The following DENND4C variants were observed in gnomAD, a reference collection of about 807,000 sequenced individuals.
DENND4C encodes the protein DENN domain-containing protein 4C.
DENND4C carries 108 observed loss-of-function variants against 203.0 expected under a neutral mutation model. The ratio of observed to expected loss-of-function variants is 0.53; its 90% CI spans 0.46 to 0.62. The LOEUF (loss-of-function observed/expected upper bound fraction) is 0.62. Ranked by LOEUF, DENND4C falls within the 20% of genes least tolerant of loss-of-function variation. The probability of loss-of-function intolerance (pLI) is 0.00; values close to 1 mark genes in which losing one functional copy is unlikely to be tolerated. For synonymous variants in DENND4C, 871 were observed against 792.4 expected (o/e 1.10, Z -1.67); for missense variants, 2,481 against 2,301.2 (o/e 1.08, Z -1.60).
chr9:19,277,180 G>A (rs1260592759), intron 2 of DENND4C, among the ~76,000 whole-genome samples: 1 of 152,022 alleles, frequency 6.6e-6, no homozygotes, highest in Non-Finnish European at 1.5e-5. Context: ...AGATATTTGG[G>A]AACATCCTGG....
intron 1 of DENND4C, among the ~76,000 whole-genome samples, chr9:19,247,196 C>CT (rs1234823444): frequency 6.6e-6 from 1 of 152,166 alleles, no homozygotes; most frequent in African/African-American, 2.4e-5. Context: ...TATTTTCTAG[C>CT]TTCTCTTTCC....
chr9:19,365,383 A>C (rs1408520418), intron 30 of DENND4C, among the ~76,000 whole-genome samples: 1 of 152,190 alleles, frequency 6.6e-6, no homozygotes, highest in Non-Finnish European at 1.5e-5. Flanking sequence ...AGCTGGGAAT[A>C]GAGAAGATCT....
chr9:19,252,704 C>T (rs997020098), intron 1 of DENND4C, among the ~76,000 whole-genome samples: 3 of 126,482 alleles, frequency 2.4e-5, no homozygotes, highest in Non-Finnish European at 3.2e-5. Flanking sequence ...ACCAAATCAG[C>T]GTGTGTATAC....
intron 9 of DENND4C, among the ~76,000 whole-genome samples, chr9:19,301,922 C>G (rs1203776718): frequency 6.6e-6 from 1 of 152,088 alleles, no homozygotes; most frequent in Non-Finnish European, 1.5e-5. Flanking sequence ...GGTGACACAG[C>G]AAGACTCCGT....
At chr9:19,303,037 A>G (rs1355855166) in intron 9 of DENND4C, among the ~76,000 whole-genome samples, 3 of 149,192 alleles carry the variant, frequency 2.0e-5, no homozygotes, top group Non-Finnish European at 3.0e-5. Flanking sequence ...TTTCTGACAT[A>G]TAGGTTGAAT....
intron 30 of DENND4C, 101 bp from the exon 31 acceptor site, chr9:19,369,736 C>T (rs915172311): frequency 4.1e-6 from 3 of 725,986 alleles, no homozygotes; most frequent in South Asian, 7.0e-5. Context: ...CACTGCACTC[C>T]AGCCTGGGTA....
At chr9:19,357,713 C>A in intron 27 of DENND4C, 1 of 344,024 alleles carries the variant, frequency 2.9e-6, no homozygotes, top group African/African-American at 2.1e-5. Flanking sequence ...GGTACTTTGT[C>A]TTTTTAAAAT....
chr9:19,349,594 C>A (rs59072237), intron 23 of DENND4C, among the ~76,000 whole-genome samples: 7,287 of 152,178 alleles, frequency 0.048, 556 homozygotes, highest in African/African-American at 0.16. Flanking sequence ...AATATTTACA[C>A]ATGAAGGAAT....
rs750638956 is a variant in DENND4C, at chr9:19,372,112, A to G, written c.5816A>G (p.Asp1939Gly). 6.2e-7 allele frequency: 1 copy of G among 1,613,950 alleles called. No individual in the cohort carries two copies. Among genetic ancestry groups the G allele is most frequent in the Admixed American group, 1.7e-5 (1 of 59,978 alleles). ...ATTCTTGAAAGGTTGCAGAAAATTGATGCTCCACCAAGTGCCAGTGTCGAG... is the reference window on the plus strand; with the variant it reads ...ATTCTTGAAAGGTTGCAGAAAATTGGTGCTCCACCAAGTGCCAGTGTCGAG... ...SEILERLQKI[D>G]APPSASVEWC... The change falls in exon 33 of 33, where the codon GAT (aspartate) becomes GGT (glycine). Residue 1939 changes from aspartate to glycine, a missense_variant. Transcript: ENST00000434457.
chr9:19,361,729 T>C, intron 29 of DENND4C, 117 bp from the exon 30 acceptor site: 1 of 566,480 alleles, frequency 1.8e-6, no homozygotes, highest in Non-Finnish European at 3.1e-6. Flanking sequence ...ATTTTGATTC[T>C]GAATTTTAGG....
chr9:19,339,473 T>C (rs371656749), intron 20 of DENND4C, among the ~76,000 whole-genome samples: 1 of 152,226 alleles, frequency 6.6e-6, no homozygotes, highest in Non-Finnish European at 1.5e-5. Context: ...TCCTAGTGTT[T>C]AGGTTATGCA....
intron 1 of DENND4C, among the ~76,000 whole-genome samples, chr9:19,233,951 C>T (rs537922898): frequency 5.1e-4 from 77 of 152,192 alleles, no homozygotes; most frequent in African/African-American, 1.8e-3. Context: ...ATTTAAATTA[C>T]TCTCCCCTAT....
intron 12 of DENND4C, among the ~76,000 whole-genome samples, chr9:19,324,036 T>C (rs2131665024): frequency 6.6e-6 from 1 of 152,306 alleles, no homozygotes; most frequent in South Asian, 2.1e-4. Flanking sequence ...GAAAATATTG[T>C]ATAACATTCC....
Position 19,336,687 on chromosome 9 carries a change from T to G in DENND4C, c.2736T>G (p.Ala912=), listed in dbSNP as rs368825482. 1.2e-4 allele frequency: 183 copies of G among 1,550,798 alleles called. No homozygotes were observed. The African/African-American group carries it at 2.3e-3, about 20-fold the overall frequency. ...VQRSQVSSIS[A]LQNVTGGSDG... ...AACTGCTATTGTCCTTATCTTTAGC[T>G]CTTCAAAATGTCACAGGTGGAAGTG... The change falls in exon 20 of 33, where the codon GCT becomes GCG. Residue 912 remains alanine, a splice_region_variant and synonymous_variant. Coordinates refer to ENST00000434457, the MANE Select transcript of DENND4C (RefSeq NM_001330640.2).
chr9:19,326,731 A>G (rs575190407), intron 15 of DENND4C, among the ~76,000 whole-genome samples: 3 of 152,180 alleles, frequency 2.0e-5, no homozygotes, highest in South Asian at 4.1e-4. Flanking sequence ...TCTCTTAACA[A>G]TTGTAGGTAT....
At chr9:19,309,882 C>T (rs1430654366) in intron 10 of DENND4C, among the ~76,000 whole-genome samples, 1 of 151,910 alleles carries the variant, frequency 6.6e-6, no homozygotes, top group South Asian at 2.1e-4. Context: ...GCAGATGATA[C>T]CTTTTTGACA....
intron 1 of DENND4C, among the ~76,000 whole-genome samples, chr9:19,241,898 A>C (rs1315175266): frequency 4.6e-5 from 7 of 151,444 alleles, no homozygotes; most frequent in Non-Finnish European, 7.4e-5. Flanking sequence ...GATGTTTAAA[A>C]GTATGACATA....
intron 1 of DENND4C, among the ~76,000 whole-genome samples, chr9:19,241,490 A>G (rs1359725152): frequency 1.3e-5 from 2 of 150,632 alleles, no homozygotes; most frequent in African/African-American, 4.9e-5. Flanking sequence ...GTGCCACTGC[A>G]TCTGGCCTTT....
chr9:19,276,352 G>A lies in DENND4C; in HGVS notation c.178G>A (p.Gly60Ser). Residue 60 changes from glycine (G) to serine (S), a missense_variant, in exon 2 of 33, where the codon GGT becomes AGT. By Grantham distance (56) the Gly-to-Ser change is moderately conservative. Transcript: ENST00000434457. ...ATCAGCTGGAGAAACAGTACCTGAA[G>A]GTTACACCTGTGTAGAAGCCACTCC... Reference protein sequence around the residue: ...IKSAGETVPEGYTCVEATPSA... With the variant: ...IKSAGETVPESYTCVEATPSA... 8.1e-7 allele frequency: 1 copy of A among 1,232,110 alleles called. No homozygotes were observed. Among genetic ancestry groups the A allele is most frequent in the Non-Finnish European group, 1.0e-6 (1 of 987,960 alleles). The allele number at this position is 1,232,110 out of a possible 1,614,324, so 76.3% of individuals were successfully genotyped here.
Sources: gnomAD v4.1 joint callset for allele counts (sites outside exome capture counted in the v4.1 genomes callset) on GRCh38, gnomAD v4.1.1 for gene constraint, MANE v1.5 for transcripts, NCBI Gene and HGNC (gene_info 2026-07-23, HGNC 2026-07-21) for gene names.